Variants in DCC observed in about 807,000 individuals in gnomAD.
DCC encodes netrin receptor DCC.
DCC carries 58 observed loss-of-function variants against 172.5 expected under a neutral mutation model. The ratio of observed to expected loss-of-function variants is 0.34; its 90% CI spans 0.27 to 0.42. DCC has a LOEUF of 0.42. Among genes scored for constraint, DCC ranks in the 10% least tolerant of loss-of-function variants. The pLI, the probability that DCC is intolerant of heterozygous loss-of-function variation, is 1.00. For missense variants in DCC, 1,740 were observed against 1,791.0 expected (o/e 0.97, Z 0.51); for synonymous variants, 709 against 644.5 (o/e 1.10, Z -1.52).
intron 2 of DCC, among the ~76,000 whole-genome samples, chr18:52,770,732 G>C (rs2037327374): frequency 1.3e-5 from 2 of 152,192 alleles, no homozygotes; most frequent in South Asian, 4.1e-4. Flanking sequence ...AAAGTCAAAA[G>C]ACTTTAGTTA....
chr18:53,450,434 G>C, intron 22 of DCC, 66 bp from the exon 23 acceptor site: 1 of 1,577,100 alleles, frequency 6.3e-7, no homozygotes. Context: ...TATATCCCAA[G>C]AGAGCTTGGT....
intron 12 of DCC, among the ~76,000 whole-genome samples, chr18:53,242,316 A>G (rs2056307378): frequency 6.6e-6 from 1 of 152,212 alleles, no homozygotes; most frequent in Non-Finnish European, 1.5e-5. Context: ...TAAGTTTCCA[A>G]TGGGACAGCC....
At chr18:52,734,323 A>G (rs901338163) in intron 1 of DCC, among the ~76,000 whole-genome samples, 1 of 152,164 alleles carries the variant, frequency 6.6e-6, no homozygotes, top group Non-Finnish European at 1.5e-5. Context: ...CACTCTAGTG[A>G]TTAGCTTGAA....
chr18:52,810,243 T>C (rs1218819439), intron 2 of DCC, among the ~76,000 whole-genome samples: 5 of 152,110 alleles, frequency 3.3e-5, no homozygotes, highest in African/African-American at 9.7e-5. Flanking sequence ...GGGATGCAGA[T>C]AGAGACATCT....
chr18:52,579,219 A>G (rs1688347618), intron 1 of DCC, among the ~76,000 whole-genome samples: 1 of 152,218 alleles, frequency 6.6e-6, no homozygotes, highest in African/African-American at 2.4e-5. Flanking sequence ...GTTTGCTGCC[A>G]TGAGTATTTC....
intron 1 of DCC, among the ~76,000 whole-genome samples, chr18:52,586,442 C>T (rs2033676084): frequency 6.6e-6 from 1 of 152,112 alleles, no homozygotes; most frequent in Non-Finnish European, 1.5e-5. Flanking sequence ...TCACCCCACC[C>T]AACACTGCAA....
intron 11 of DCC, 94 bp from the exon 12 acceptor site, chr18:53,215,454 A>G: frequency 2.9e-6 from 3 of 1,042,214 alleles, no homozygotes; most frequent in Non-Finnish European, 4.5e-6. Context: ...TATAAACTAT[A>G]TAAACAAAAC....
At chr18:52,683,335 C>G (rs967794161) in intron 1 of DCC, among the ~76,000 whole-genome samples, 4 of 152,022 alleles carry the variant, frequency 2.6e-5, no homozygotes, top group African/African-American at 9.7e-5. Context: ...AGTTGGTATT[C>G]TATAATAGGT....
intron 1 of DCC, among the ~76,000 whole-genome samples, chr18:52,587,102 C>T (rs2033692345): frequency 6.6e-6 from 1 of 152,182 alleles, no homozygotes; most frequent in Non-Finnish European, 1.5e-5. Flanking sequence ...AAACCTCTGC[C>T]CTTTCCATGA....
At chr18:52,498,349 C>G (rs2030881953) in intron 1 of DCC, among the ~76,000 whole-genome samples, 1 of 152,096 alleles carries the variant, frequency 6.6e-6, no homozygotes, top group African/African-American at 2.4e-5. Context: ...ACTGGCCAGG[C>G]ACAGTGGCTC....
Position 52,340,754 on chromosome 18 carries a change from C to G in DCC, c.-34C>G. On this transcript the variant is annotated 5_prime_UTR_variant, in exon 1 of 29. Transcript: ENST00000442544. ...CATGTGTGTGAGTGCTGCCGCTGCC[C>G]GCGACCCCTGGCCCCGAAGGTGTTG... 2 of 1,556,284 alleles carry G rather than the reference C, an allele frequency of 1.3e-6. No individual in the cohort carries two copies. Among genetic ancestry groups the G allele is most frequent in the Middle Eastern group, 1.8e-4 (1 of 5,640 alleles).
chr18:52,872,192 G>A (rs757669145), intron 2 of DCC, among the ~76,000 whole-genome samples: 3 of 152,146 alleles, frequency 2.0e-5, no homozygotes, highest in South Asian at 2.1e-4. Context: ...GCAATCTTGA[G>A]GTTACAGAAA....
At chr18:52,846,447 G>A (rs1455190028) in intron 2 of DCC, among the ~76,000 whole-genome samples, 1 of 152,118 alleles carries the variant, frequency 6.6e-6, no homozygotes, top group African/African-American at 2.4e-5. Flanking sequence ...GTCTGAGGTA[G>A]GAGGATTGCT....
intron 12 of DCC, among the ~76,000 whole-genome samples, chr18:53,237,686 G>C (rs961634270): frequency 6.6e-6 from 1 of 152,124 alleles, no homozygotes; most frequent in Non-Finnish European, 1.5e-5. Context: ...GCATCTAAAA[G>C]TACATTATTT....
intron 7 of DCC, among the ~76,000 whole-genome samples, chr18:53,121,964 A>G (rs2043489792): frequency 6.6e-6 from 1 of 151,982 alleles, no homozygotes. Context: ...CTGAGGCTCT[A>G]TGCAAACCCT....
chr18:52,943,372 T>C (rs2040492731), intron 5 of DCC, among the ~76,000 whole-genome samples: 1 of 152,208 alleles, frequency 6.6e-6, no homozygotes, highest in Admixed American at 6.5e-5. Context: ...CTGTAATTAC[T>C]GTGCATATTT....
In DCC at chr18:52,376,824, A is replaced by T. The variant is rs116966657; in HGVS notation, c.91+35946A>T. 5.1e-3 allele frequency among the ~76,000 whole-genome samples: 780 copies of T among 152,308 alleles called. 44 individuals are homozygous for T. In the East Asian group the frequency reaches 0.11, roughly 22 times the overall value. On this transcript the variant is annotated intron_variant, in intron 1 of 28. Coordinates refer to ENST00000442544, the MANE Select transcript of DCC (RefSeq NM_005215.4). ...TAATATTTATTAGAATACATGAAGT[A>T]GTAGCAAAACAACATTCAAAGACGC...
intron 27 of DCC, among the ~76,000 whole-genome samples, chr18:53,505,064 T>G (rs968231378): frequency 1.3e-5 from 2 of 152,218 alleles, no homozygotes. Context: ...TTAAATATTC[T>G]TTAGGAGGAA....
chr18:52,653,812 A>G (rs150454736), intron 1 of DCC, among the ~76,000 whole-genome samples: 155 of 152,308 alleles, frequency 1.0e-3, no homozygotes, highest in African/African-American at 3.6e-3. Flanking sequence ...GCCTAACACT[A>G]AAGATTCTAA....
Sources: gnomAD v4.1 joint callset for allele counts (sites outside exome capture counted in the v4.1 genomes callset) on GRCh38, gnomAD v4.1.1 for gene constraint, MANE v1.5 for transcripts, NCBI Gene and HGNC (gene_info 2026-07-23, HGNC 2026-07-21) for gene names.